EVI5: variants seen among roughly 807,000 people sequenced by gnomAD.
The protein encoded by EVI5 is ecotropic viral integration site 5.
Under a neutral mutation model 112.0 loss-of-function variants are expected in EVI5, and 73 were observed. The observed-to-expected ratio is 0.65, with a 90% CI of 0.54 to 0.79. The LOEUF is 0.79. Among genes scored for constraint, EVI5 ranks in the 30% least tolerant of loss-of-function variants. The pLI, the probability that EVI5 is intolerant of heterozygous loss-of-function variation, is 0.00. For missense variants in EVI5, 900 were observed against 968.8 expected, an observed-to-expected ratio of 0.93 and a Z score of 0.94; for synonymous variants, 305 against 319.9, an observed-to-expected ratio of 0.95 and a Z score of 0.50.
chr1:92,706,724 G>C (rs1270715829), intron 2 of EVI5, among the ~76,000 whole-genome samples: 1 of 152,104 alleles, frequency 6.6e-6, no homozygotes, highest in Non-Finnish European at 1.5e-5. Flanking sequence ...CGAGAACATT[G>C]AAATAGCACA....
chr1:92,697,819 T>C (rs1168162097), intron 6 of EVI5, 41 bp downstream of exon 6: 1 of 1,548,574 alleles, frequency 6.5e-7, no homozygotes. Flanking sequence ...ATATAAAAAA[T>C]ATAAAGGCAA....
rs374227018 is a variant in EVI5, at chr1:92,762,925, T to C, written c.-82+21911A>G. Among the ~76,000 whole-genome samples, 9 of 152,094 alleles carry C rather than the reference T, an allele frequency of 5.9e-5. No homozygotes were observed. In the East Asian group the frequency reaches 9.7e-4, roughly 16 times the overall value. ...AAGTCCAGACCTCACCACTACACAA[T>C]ATAACCATGTAGTGAAAACTGCACT... On this transcript the variant is annotated intron_variant, in intron 1 of 19. Coordinates refer to ENST00000684568, the MANE Select transcript of EVI5 (RefSeq NM_001350197.2).
At chr1:92,651,683 C>T (rs919024379) in intron 13 of EVI5, among the ~76,000 whole-genome samples, 28 of 130,268 alleles carry the variant, frequency 2.1e-4, no homozygotes, top group African/African-American at 7.5e-4. Flanking sequence ...AACCCCGTCT[C>T]TATTAAAAAT....
intron 1 of EVI5, among the ~76,000 whole-genome samples, chr1:92,773,556 C>T (rs908118753): frequency 6.6e-6 from 1 of 152,030 alleles, no homozygotes; most frequent in South Asian, 2.1e-4. Context: ...GCAGGAAGAT[C>T]GCTTGAGCCC....
intron 14 of EVI5, among the ~76,000 whole-genome samples, chr1:92,631,362 G>C (rs1302700582): frequency 6.6e-6 from 1 of 152,118 alleles, no homozygotes; most frequent in Non-Finnish European, 1.5e-5. Flanking sequence ...TCATTGAGCA[G>C]TGGTTTGTAG....
intron 16 of EVI5, among the ~76,000 whole-genome samples, 158 bp downstream of exon 16, chr1:92,624,018 T>C (rs974771642): frequency 3.9e-5 from 6 of 152,210 alleles, no homozygotes; most frequent in African/African-American, 1.4e-4. Flanking sequence ...AAATCCAATA[T>C]AATAATTTTT....
chr1:92,648,935 A>G (rs1661547258), intron 13 of EVI5, among the ~76,000 whole-genome samples: 1 of 152,200 alleles, frequency 6.6e-6, no homozygotes. Flanking sequence ...TAACTTTTTG[A>G]GGAACTGCCA....
In EVI5 at chr1:92,518,086, C is replaced by T. The variant is rs145550162; in HGVS notation, c.2167-4116G>A. 1.7e-4 allele frequency among the ~76,000 whole-genome samples: 26 copies of T among 151,824 alleles called. No homozygotes were observed. In the East Asian group the frequency reaches 4.5e-3, roughly 26 times the overall value. Reference sequence around the variant, plus strand: ...AAAACTTTTGTATTTTTTGTAGAGACGGGGTTTCGCCATTGTTGCCCAGCT... The same window carrying T: ...AAAACTTTTGTATTTTTTGTAGAGATGGGGTTTCGCCATTGTTGCCCAGCT... On this transcript the variant is annotated intron_variant, in intron 19 of 19. Coordinates refer to ENST00000684568, the MANE Select transcript of EVI5 (RefSeq NM_001350197.2).
At chr1:92,532,226 A>G (rs923022602) in intron 19 of EVI5, among the ~76,000 whole-genome samples, 10 of 152,218 alleles carry the variant, frequency 6.6e-5, no homozygotes, top group African/African-American at 2.4e-4. Flanking sequence ...ATTCAACAGG[A>G]TAAGCTAACT....
intron 13 of EVI5, among the ~76,000 whole-genome samples, chr1:92,643,289 ATCTTT>A (rs1174163489): frequency 1.2e-3 from 127 of 108,482 alleles, no homozygotes; most frequent in African/African-American, 4.2e-3. Flanking sequence ...ATTAACTCAA[ATCTTT>A]TTTTTTTTTT....
chr1:92,749,287 G>A, intron 1 of EVI5: 1 of 314,676 alleles, frequency 3.2e-6, no homozygotes. Context: ...CTTTGTACCA[G>A]CCATGGTATA....
intron 19 of EVI5, among the ~76,000 whole-genome samples, chr1:92,529,831 T>C (rs1156616864): frequency 6.6e-6 from 1 of 152,198 alleles, no homozygotes; most frequent in African/African-American, 2.4e-5. Flanking sequence ...TTTAAAATAA[T>C]GTTTATAGTA....
chr1:92,786,132 A>G (rs1051943844), upstream of EVI5, among the ~76,000 whole-genome samples: 1 of 152,072 alleles, frequency 6.6e-6, no homozygotes, highest in Non-Finnish European at 1.5e-5. Context: ...TAGCAGCACA[A>G]GAAACTCCGG....
chr1:92,704,197 A>C (rs1261595778), intron 3 of EVI5, among the ~76,000 whole-genome samples: 1 of 152,088 alleles, frequency 6.6e-6, no homozygotes, highest in Non-Finnish European at 1.5e-5. Flanking sequence ...ACCTGTAATC[A>C]TAGCTACTCA....
intron 16 of EVI5, among the ~76,000 whole-genome samples, chr1:92,613,304 A>T (rs1024390520): frequency 1.3e-5 from 2 of 151,958 alleles, no homozygotes; most frequent in African/African-American, 4.8e-5. Context: ...TATTTAATTT[A>T]TTTTTTTCTT....
intron 19 of EVI5, among the ~76,000 whole-genome samples, chr1:92,544,951 G>A (rs915525795): frequency 4.6e-5 from 7 of 152,126 alleles, no homozygotes; most frequent in Non-Finnish European, 7.3e-5. Context: ...TCTTTGACAC[G>A]TACTATTGGC....
At chr1:92,578,525 C>T (rs887385866) in intron 18 of EVI5, among the ~76,000 whole-genome samples, 1 of 151,440 alleles carries the variant, frequency 6.6e-6, no homozygotes, top group Non-Finnish European at 1.5e-5. Context: ...ACCATCCTGG[C>T]TAACACGGTG....
intron 16 of EVI5, among the ~76,000 whole-genome samples, chr1:92,620,717 A>G (rs1212295650): frequency 6.6e-6 from 1 of 152,176 alleles, no homozygotes; most frequent in Non-Finnish European, 1.5e-5. Context: ...AACAAAAACC[A>G]GCACTAAAGG....
intron 19 of EVI5, among the ~76,000 whole-genome samples, chr1:92,530,561 C>CTT (rs1662698784): frequency 1.3e-5 from 2 of 152,012 alleles, no homozygotes; most frequent in Non-Finnish European, 2.9e-5. Context: ...CTGGCAGGTG[C>CTT]CCCTCTGGGA....
Sources: allele counts gnomAD v4.1 joint callset (sites outside exome capture counted in the v4.1 genomes callset), GRCh38; gene constraint gnomAD v4.1.1; transcripts MANE v1.5; gene names NCBI Gene and HGNC (gene_info 2026-07-23, HGNC 2026-07-21).